Variants in TSPAN3 observed in about 807,000 individuals in gnomAD.
TSPAN3 encodes the protein tetraspanin 3.
In TSPAN3, 9 loss-of-function variants were observed where a neutral mutation model predicts 31.1. The ratio of observed to expected loss-of-function variants is 0.29; its 90% CI spans 0.17 to 0.50. The LOEUF (loss-of-function observed/expected upper bound fraction) is 0.50. TSPAN3 is among the 20% of genes least tolerant of loss of function. The probability of loss-of-function intolerance (pLI) is 0.98; values close to 1 mark genes in which losing one functional copy is unlikely to be tolerated. For synonymous variants in TSPAN3, 129 were observed against 114.3 expected (o/e 1.13, Z -0.82); for missense variants, 252 against 313.5 (o/e 0.80, Z 1.48).
Position 77,046,728 on chromosome 15 carries a change from G to A in TSPAN3, c.*107C>T. ...CCAAGCTGCTCTGTCCAACACCAGTGTACATGTGCTTTAACTAAATGAACT... is the reference window on the plus strand; with the variant it reads ...CCAAGCTGCTCTGTCCAACACCAGTATACATGTGCTTTAACTAAATGAACT... On this transcript the variant is annotated 3_prime_UTR_variant, in exon 7 of 7. Transcript: ENST00000267970. The A allele has an allele frequency of 1.3e-6, 1 of 795,562 alleles. No individual in the cohort carries two copies. The highest frequency in any genetic ancestry group is 2.1e-6 in the Non-Finnish European group (1 of 480,220). 49.3% of individuals were successfully genotyped at this position (795,562 alleles called of 1,614,324 possible). A position where few individuals can be genotyped will look rare whatever the true frequency, so the allele number is the denominator to read the frequency against.
In TSPAN3 at chr15:77,051,847, G is replaced by A. The variant is rs2076733400; in HGVS notation, c.669+538C>T. 2.0e-5 allele frequency among the ~76,000 whole-genome samples: 3 copies of A among 152,138 alleles called. No homozygotes were observed. In the South Asian group the frequency reaches 6.2e-4, roughly 32 times the overall value. On this transcript the variant is annotated intron_variant, in intron 6 of 6. Transcript: ENST00000267970. ...CACTCAAGCCTGGGTGACAGAGTGA[G>A]ACCTTGTCTCTATTTTTAAAAGTTG...
rs369705715 is a variant in TSPAN3 at position 77,056,123 on chromosome 15, T to C, written c.196A>G (p.Ile66Val). ...GCACAGCAGCCAATTAGCCCAATGA[T>C]GAAAAGCAGGGCTCCTACAGCTATG... ...VIIAVGALLF[I>V]IGLIGCCATI... The change falls in exon 2 of 7, where the codon ATC becomes GTC. Residue 66 changes from isoleucine to valine, a missense_variant. Physicochemically the swap from Ile to Val is conservative, Grantham distance 29. Coordinates refer to ENST00000267970, the MANE Select transcript of TSPAN3 (RefSeq NM_005724.6). 19 of 1,612,390 alleles carry C rather than the reference T, an allele frequency of 1.2e-5. No homozygotes were observed. In the African/African-American group the frequency reaches 1.9e-4, roughly 16 times the overall value.
rs2076741627 is a variant in TSPAN3, at chr15:77,052,944, A to G, written c.433-15T>C. 6.2e-7 allele frequency: 1 copy of G among 1,608,034 alleles called. No individual in the cohort carries two copies. Among genetic ancestry groups the G allele is most frequent in the Non-Finnish European group, 8.5e-7 (1 of 1,176,150 alleles). ...CAACAATGCAGCTAAAGGAGAAGAG[A>G]ATAAGTATTATTTCTCACAAAAACC... On this transcript the variant is annotated splice_polypyrimidine_tract_variant and intron_variant, in intron 4 of 6. Coordinates refer to ENST00000267970, the MANE Select transcript of TSPAN3 (RefSeq NM_005724.6).
chr15:77,067,877 C>A (rs1024912458), intron 1 of TSPAN3: 1 of 152,190 alleles, frequency 6.6e-6, no homozygotes, highest in African/African-American at 2.4e-5. Flanking sequence ...CTTCTGAAAT[C>A]ACACTTTGTC....
intron 1 of TSPAN3, among the ~76,000 whole-genome samples, chr15:77,058,393 C>T (rs569747751): frequency 6.6e-6 from 1 of 152,300 alleles, no homozygotes; most frequent in East Asian, 1.9e-4. Flanking sequence ...CTCCGCTGTT[C>T]TCTCTAGAAT....
chr15:77,054,473 T>A lies in TSPAN3; in HGVS notation c.331-194A>T. 6.8e-6 allele frequency: 3 copies of A among 438,288 alleles called. No homozygotes were observed. In the South Asian group the frequency reaches 8.9e-5, roughly 13 times the overall value. 27.1% of individuals were successfully genotyped at this position (438,288 alleles called of 1,614,324 possible). On this transcript the variant is annotated intron_variant, in intron 3 of 6. Transcript: ENST00000267970. ...AGGCAGGAGGGAGAAAAGTGACAGG[T>A]AAAAATTCAGACATATACCACATAC...
chr15:77,066,129 C>T (rs2076831436), intron 1 of TSPAN3, among the ~76,000 whole-genome samples: 2 of 151,946 alleles, frequency 1.3e-5, no homozygotes, highest in South Asian at 2.1e-4. Context: ...ATTAATTTAC[C>T]GGAATAAAAA....
chr15:77,069,609 G>C (rs2076854377), intron 1 of TSPAN3, among the ~76,000 whole-genome samples: 2 of 152,188 alleles, frequency 1.3e-5, no homozygotes, highest in South Asian at 4.1e-4. Context: ...ACGCCCCGAA[G>C]GACTCTGGCA....
intron 6 of TSPAN3, 70 bp from the exon 7 acceptor site, chr15:77,046,997 T>C: frequency 7.8e-7 from 1 of 1,275,712 alleles, no homozygotes; most frequent in Non-Finnish European, 1.1e-6. Context: ...TATTTCTTTG[T>C]TGGTAAAAGA....
At chr15:77,061,310 C>G (rs897047948) in intron 1 of TSPAN3, among the ~76,000 whole-genome samples, 3 of 152,172 alleles carry the variant, frequency 2.0e-5, no homozygotes, top group African/African-American at 7.2e-5. Context: ...GGCAGATCAT[C>G]TGAGGTCATG....
intron 1 of TSPAN3, among the ~76,000 whole-genome samples, chr15:77,070,313 T>A (rs1480698153): frequency 6.6e-6 from 1 of 152,206 alleles, no homozygotes; most frequent in Non-Finnish European, 1.5e-5. Flanking sequence ...CCGATGTTCT[T>A]GGTCAATGGA....
In TSPAN3 at chr15:77,046,115, G is replaced by T. The variant is rs2076689441; in HGVS notation, c.*720C>A. 3.3e-6 allele frequency: 1 copy of T among 300,780 alleles called. No homozygotes were observed. The highest frequency in any genetic ancestry group is 1.6e-4 in the South Asian group (1 of 6,210). 18.6% of individuals were successfully genotyped at this position (300,780 alleles called of 1,614,324 possible). On this transcript the variant is annotated 3_prime_UTR_variant, in exon 7 of 7. Coordinates refer to ENST00000267970, the MANE Select transcript of TSPAN3 (RefSeq NM_005724.6). Reference sequence around the variant, plus strand: ...CATACTATTTTGCTAGTCTACATGGGTACATTATTTCCAACAAGCTTAAGA... The same window carrying T: ...CATACTATTTTGCTAGTCTACATGGTTACATTATTTCCAACAAGCTTAAGA...
At chr15:77,059,362 G>GT (rs1479236377) in intron 1 of TSPAN3, among the ~76,000 whole-genome samples, 4 of 152,228 alleles carry the variant, frequency 2.6e-5, no homozygotes, top group Non-Finnish European at 4.4e-5. Context: ...GATTACAGGC[G>GT]TGAGCCATTG....
At chr15:77,064,627 C>G (rs2076820794) in intron 1 of TSPAN3, 1 of 152,230 alleles carries the variant, frequency 6.6e-6, no homozygotes, top group Admixed American at 6.5e-5. Flanking sequence ...GGACAGGTGA[C>G]TAAGAATGTA....
Position 77,044,321 on chromosome 15 carries a change from TG to T in TSPAN3, c.*2513del, listed in dbSNP as rs1401732862. The T allele has an allele frequency of 6.6e-6, 1 of 152,256 alleles. No individual in the cohort carries two copies. The highest frequency in any genetic ancestry group is 1.5e-5 in the Non-Finnish European group (1 of 68,062). 9.4% of individuals were successfully genotyped at this position (152,256 alleles called of 1,614,324 possible). On this transcript the variant is annotated 3_prime_UTR_variant, in exon 7 of 7. Coordinates refer to ENST00000267970, the MANE Select transcript of TSPAN3 (RefSeq NM_005724.6). ...CTTTTGCTCTCTGAAGAACAAGCACTGGGTAATGCCAACACCTAGCCTCAGC... is the reference window on the plus strand; with the variant it reads ...CTTTTGCTCTCTGAAGAACAAGCACTGGTAATGCCAACACCTAGCCTCAGC...
chr15:77,048,529 A>G (rs184750491), intron 6 of TSPAN3, among the ~76,000 whole-genome samples: 38 of 152,242 alleles, frequency 2.5e-4, no homozygotes, highest in Non-Finnish European at 1.2e-4. Context: ...ATAAAATTCT[A>G]CTCATGCTTG....
At chr15:77,062,318 CCT>C (rs2076805590) in intron 1 of TSPAN3, among the ~76,000 whole-genome samples, 1 of 152,188 alleles carries the variant, frequency 6.6e-6, no homozygotes, top group South Asian at 2.1e-4. Context: ...CATGCTTTCA[CCT>C]CTGACTTAAT....
At chr15:77,047,190 G>A (rs924313018) in intron 6 of TSPAN3, among the ~76,000 whole-genome samples, 2 of 152,194 alleles carry the variant, frequency 1.3e-5, no homozygotes, top group African/African-American at 4.8e-5. Context: ...CCCACTACTA[G>A]TCTAGCGAGT....
chr15:77,054,312 A>G (rs1254689823), intron 3 of TSPAN3, 33 bp from the exon 4 acceptor site: 3 of 1,441,522 alleles, frequency 2.1e-6, no homozygotes, highest in Non-Finnish European at 2.0e-6. Context: ...GTCCCTCAAA[A>G]ATACTAGTAA....
Sources: gnomAD v4.1 joint callset for allele counts (sites outside exome capture counted in the v4.1 genomes callset) on GRCh38, gnomAD v4.1.1 for gene constraint, MANE v1.5 for transcripts, NCBI Gene and HGNC (gene_info 2026-07-23, HGNC 2026-07-21) for gene names.